Variants in PCDH9 observed in about 807,000 individuals in gnomAD.
PCDH9 encodes protocadherin-9.
PCDH9 carries 24 observed loss-of-function variants against 70.6 expected under a neutral mutation model. That is an observed-to-expected ratio of 0.34 (90% CI 0.25 to 0.48). The LOEUF is 0.48. Ranked by LOEUF, PCDH9 falls within the 20% of genes least tolerant of loss-of-function variation. The pLI, the probability that PCDH9 is intolerant of heterozygous loss-of-function variation, is 0.99. For synonymous variants in PCDH9, 562 were observed against 558.5 expected, an observed-to-expected ratio of 1.01 and a Z score of -0.09; for missense variants, 1,281 against 1,503.6, an observed-to-expected ratio of 0.85 and a Z score of 2.45.
rs1320479103 is a variant in PCDH9, at chr13:67,140,562, C to A, written c.3036+84843G>T. On this transcript the variant is annotated intron_variant, in intron 2 of 4. Transcript: ENST00000377865. ...CAAACCTCAGGGCCCTTAATAATTA[C>A]CTTCAGTGCTTTATAGAAAGTAATA... Among the ~76,000 whole-genome samples, 3 of 152,076 alleles carry A rather than the reference C, an allele frequency of 2.0e-5. No individual in the cohort carries two copies. The East Asian group carries it at 5.8e-4, about 29-fold the overall frequency.
At chr13:67,000,677 G>A (rs1054816019) in intron 2 of PCDH9, among the ~76,000 whole-genome samples, 5 of 151,912 alleles carry the variant, frequency 3.3e-5, no homozygotes, top group East Asian at 1.9e-4. Flanking sequence ...CTTCAATCAC[G>A]TTTCTGGGAA....
chr13:66,411,196 T>C (rs989967283), intron 4 of PCDH9, among the ~76,000 whole-genome samples: 4 of 152,248 alleles, frequency 2.6e-5, no homozygotes, highest in African/African-American at 7.2e-5. Flanking sequence ...TTTCTCTAAA[T>C]TGGATGCATT....
At chr13:66,745,536 G>A (rs2079348177) in intron 3 of PCDH9, among the ~76,000 whole-genome samples, 1 of 152,136 alleles carries the variant, frequency 6.6e-6, no homozygotes, top group African/African-American at 2.4e-5. Flanking sequence ...GAATTAATAG[G>A]ATTGAAATGT....
At chr13:66,328,347 C>T (rs1955881408) in intron 4 of PCDH9, among the ~76,000 whole-genome samples, 1 of 152,054 alleles carries the variant, frequency 6.6e-6, no homozygotes, top group Non-Finnish European at 1.5e-5. Context: ...CTAACGATTA[C>T]CTTGACACCA....
chr13:66,342,567 A>G (rs1303454928), intron 4 of PCDH9, among the ~76,000 whole-genome samples: 4 of 152,128 alleles, frequency 2.6e-5, no homozygotes, highest in Non-Finnish European at 5.9e-5. Flanking sequence ...CAGATCCTAC[A>G]TGATACATTC....
chr13:67,048,998 T>G (rs545538956), intron 2 of PCDH9, among the ~76,000 whole-genome samples: 1 of 152,338 alleles, frequency 6.6e-6, no homozygotes, highest in South Asian at 2.1e-4. Context: ...ACCAAAAATC[T>G]GAGTCACCCT....
At chr13:66,554,944 C>A (rs1053360594) in intron 4 of PCDH9, among the ~76,000 whole-genome samples, 7 of 152,020 alleles carry the variant, frequency 4.6e-5, no homozygotes, top group African/African-American at 1.7e-4. Flanking sequence ...CCGAGGCAGG[C>A]AGACCACCTG....
At chr13:66,342,388 TA>T (rs1956142290) in intron 4 of PCDH9, among the ~76,000 whole-genome samples, 1 of 152,232 alleles carries the variant, frequency 6.6e-6, no homozygotes, top group Non-Finnish European at 1.5e-5. Context: ...GATGGGCAAC[TA>T]TAATAATCAT....
intron 4 of PCDH9, among the ~76,000 whole-genome samples, chr13:66,589,407 T>C (rs1566440530): frequency 6.6e-6 from 1 of 152,088 alleles, no homozygotes; most frequent in Admixed American, 6.6e-5. Context: ...ATATGCTAAT[T>C]ACCCCGATCT....
At chr13:66,513,718 G>GT (rs1187382479) in intron 4 of PCDH9, among the ~76,000 whole-genome samples, 1 of 145,658 alleles carries the variant, frequency 6.9e-6, no homozygotes, top group Non-Finnish European at 1.5e-5. Context: ...CCTTTCTTAA[G>GT]TAAAAAAAAA....
chr13:66,734,365 G>A (rs1179342825), intron 3 of PCDH9, among the ~76,000 whole-genome samples: 1 of 152,138 alleles, frequency 6.6e-6, no homozygotes, highest in African/African-American at 2.4e-5. Context: ...TCAGCTCTAT[G>A]CATTTCTTCC....
intron 4 of PCDH9, among the ~76,000 whole-genome samples, chr13:66,472,582 A>T (rs1465185825): frequency 6.6e-6 from 1 of 152,150 alleles, no homozygotes; most frequent in Non-Finnish European, 1.5e-5. Context: ...AACAACAACA[A>T]CAACCAAACA....
chr13:66,707,135 T>C (rs1318430507), intron 3 of PCDH9, among the ~76,000 whole-genome samples: 1 of 152,154 alleles, frequency 6.6e-6, no homozygotes, highest in Non-Finnish European at 1.5e-5. Context: ...AATAAACCAT[T>C]CACGTGAAAG....
chr13:66,463,162 G>C (rs1021402191), intron 4 of PCDH9, among the ~76,000 whole-genome samples: 9 of 151,704 alleles, frequency 5.9e-5, no homozygotes, highest in African/African-American at 1.9e-4. Flanking sequence ...TACCTCCTTA[G>C]GGATATATAT....
At chr13:66,717,480 A>AAATATAT (rs1566145314) in intron 3 of PCDH9, among the ~76,000 whole-genome samples, 7 of 44,438 alleles carry the variant, frequency 1.6e-4, no homozygotes, top group African/African-American at 5.3e-4. Context: ...AAAAAAAAAA[A>AAATATAT]ATATATATAT....
At chr13:67,122,449 A>G (rs1448897661) in intron 2 of PCDH9, among the ~76,000 whole-genome samples, 2 of 152,068 alleles carry the variant, frequency 1.3e-5, no homozygotes, top group Admixed American at 1.3e-4. Context: ...CAGATGAGAA[A>G]GTTGAGGCTC....
At chr13:66,812,782 A>T (rs1465248852) in intron 3 of PCDH9, among the ~76,000 whole-genome samples, 1 of 152,222 alleles carries the variant, frequency 6.6e-6, no homozygotes, top group Non-Finnish European at 1.5e-5. Context: ...AATTAGGAAT[A>T]GGTTTATTTA....
At chr13:67,224,931 T>TAAA in intron 2 of PCDH9, 1 of 937,844 alleles carries the variant, frequency 1.1e-6, no homozygotes, top group Non-Finnish European at 1.3e-6. Flanking sequence ...GTTTAGAGAC[T>TAAA]AAAAAAAAAA....
chr13:66,932,899 A>G lies in PCDH9; in HGVS notation c.3037-29294T>C, dbSNP rs184642611. The stretch of plus-strand genomic sequence containing the variant: ...AAATGTACAAAGTAGCCAGTTGTTT[A>G]GAAAATATTAACATCATTTTTACAT... On this transcript the variant is annotated intron_variant, in intron 2 of 4. Transcript: ENST00000377865. Among the ~76,000 whole-genome samples the G allele has an allele frequency of 7.7e-4, 116 of 151,320 alleles. 2 individuals carry two copies. Among genetic ancestry groups the G allele is most frequent in the Non-Finnish European group, 1.9e-4 (13 of 67,794 alleles).
Sources: gnomAD v4.1 joint callset for allele counts (sites outside exome capture counted in the v4.1 genomes callset) on GRCh38, gnomAD v4.1.1 for gene constraint, MANE v1.5 for transcripts, NCBI Gene and HGNC (gene_info 2026-07-23, HGNC 2026-07-21) for gene names.